Variants in WDFY3 observed in about 807,000 individuals in gnomAD.
WDFY3 encodes the protein WD repeat and FYVE domain containing 3.
A neutral mutation model predicts 409.6 loss-of-function variants in WDFY3; 66 were observed. That is an observed-to-expected ratio of 0.16 (90% CI 0.13 to 0.20). WDFY3 has a LOEUF of 0.20. WDFY3 is among the 10% of genes least tolerant of loss of function. WDFY3 has a pLI of 1.00. For synonymous variants in WDFY3, 1,521 were observed against 1,537.1 expected (o/e 0.99, Z 0.25); for missense variants, 3,031 against 4,298.1 (o/e 0.71, Z 8.24).
chr4:84,698,619 A>G (rs1424903898), intron 56 of WDFY3, among the ~76,000 whole-genome samples: 1 of 152,162 alleles, frequency 6.6e-6, no homozygotes, highest in African/African-American at 2.4e-5. Flanking sequence ...CCAAGGATGC[A>G]TGGACAAGAA....
In WDFY3 at chr4:84,792,638, G is replaced by A. The variant is rs574897409; in HGVS notation, c.3487+1881C>T. Among the ~76,000 whole-genome samples, 96 of 152,148 alleles carry A rather than the reference G, an allele frequency of 6.3e-4. 1 individual carries two copies. Among genetic ancestry groups the A allele is most frequent in the African/African-American group, 1.8e-3 (73 of 41,524 alleles). ...TGGCAATACTAATGCATATGTTACC[G>A]TCATTTCTAATCATATATGGACTAT... On this transcript the variant is annotated intron_variant, in intron 21 of 67. Coordinates refer to ENST00000295888, the MANE Select transcript of WDFY3 (RefSeq NM_014991.6).
chr4:84,878,166 A>G lies in WDFY3; in HGVS notation c.-31-17544T>C, dbSNP rs529303686. Among the ~76,000 whole-genome samples the G allele has an allele frequency of 7.9e-4, 121 of 152,222 alleles. 3 individuals are homozygous for G. Among genetic ancestry groups the G allele is most frequent in the Non-Finnish European group, 3.1e-4 (21 of 68,038 alleles). On this transcript the variant is annotated intron_variant, in intron 3 of 67. Coordinates refer to ENST00000295888, the MANE Select transcript of WDFY3 (RefSeq NM_014991.6). ...AGAAGGCAGGGGCAGAAGGAAAAAA[A>G]TTACTAACAGAGAGTTAGGTTTGGG...
intron 10 of WDFY3, among the ~76,000 whole-genome samples, chr4:84,826,512 C>T (rs1309883625): frequency 1.3e-5 from 2 of 152,010 alleles, no homozygotes; most frequent in South Asian, 2.1e-4. Context: ...TAGAAATGCA[C>T]GAAGTGCCAA....
intron 55 of WDFY3, among the ~76,000 whole-genome samples, chr4:84,702,790 C>A (rs1332546121): frequency 6.6e-6 from 1 of 152,162 alleles, no homozygotes; most frequent in African/African-American, 2.4e-5. Context: ...AAAGAGAGGA[C>A]AAGGCTGTAA....
intron 6 of WDFY3, among the ~76,000 whole-genome samples, chr4:84,839,762 G>A (rs936219270): frequency 6.6e-6 from 1 of 151,978 alleles, no homozygotes; most frequent in Non-Finnish European, 1.5e-5. Flanking sequence ...GGAGGCTGAG[G>A]CAAGAGAATC....
chr4:84,696,617 G>C, intron 57 of WDFY3, 115 bp downstream of exon 57: 2 of 1,000,250 alleles, frequency 2.0e-6, no homozygotes, highest in Non-Finnish European at 3.0e-6. Context: ...GTAGATAAGG[G>C]GACCTGGCTG....
At chr4:84,946,883 T>C (rs1421420831) in intron 1 of WDFY3, among the ~76,000 whole-genome samples, 1 of 151,784 alleles carries the variant, frequency 6.6e-6, no homozygotes, top group African/African-American at 2.4e-5. Flanking sequence ...CTCCGCTCAC[T>C]GCAAGCTCTG....
Position 84,862,240 on chromosome 4 carries a change from T to A in WDFY3, c.-31-1618A>T, listed in dbSNP as rs150397582. On this transcript the variant is annotated intron_variant, in intron 3 of 67. Transcript: ENST00000295888. ...GTAACTCATCACAGGTGAAGAGGAG[T>A]CAGACAAATTCTGCCTAGAACTCTG... is the stretch of plus-strand genomic sequence containing the variant. Among the ~76,000 whole-genome samples, 9 of 151,944 alleles carry A rather than the reference T, an allele frequency of 5.9e-5. No homozygotes were observed. The South Asian group carries it at 6.2e-4, about 11-fold the overall frequency.
intron 3 of WDFY3, among the ~76,000 whole-genome samples, chr4:84,871,131 C>T (rs939356124): frequency 1.3e-5 from 2 of 151,982 alleles, no homozygotes; most frequent in Admixed American, 1.3e-4. Flanking sequence ...CCAGAGAACG[C>T]CAACATGATA....
Position 84,779,838 on chromosome 4 carries a change from A to T in WDFY3, c.4365+270T>A, listed in dbSNP as rs146762891. 6.9e-3 allele frequency among the ~76,000 whole-genome samples: 1,046 copies of T among 152,334 alleles called. 10 individuals carry two copies. Among genetic ancestry groups the T allele is most frequent in the African/African-American group, 0.024 (986 of 41,572 alleles). ...CCAGCAAACCTTTGTTCTGAAAATA[A>T]ATTCAATGTATTAAAGCTATATTGA... On this transcript the variant is annotated intron_variant, in intron 26 of 67. Coordinates refer to ENST00000295888, the MANE Select transcript of WDFY3 (RefSeq NM_014991.6).
chr4:84,728,354 C>T (rs1043507094), intron 44 of WDFY3, among the ~76,000 whole-genome samples: 1 of 151,688 alleles, frequency 6.6e-6, no homozygotes, highest in Non-Finnish European at 1.5e-5. Context: ...CATAGCAAAC[C>T]CCCCATCTCT....
intron 53 of WDFY3, among the ~76,000 whole-genome samples, chr4:84,708,425 A>C (rs1414875388): frequency 6.6e-6 from 1 of 152,256 alleles, no homozygotes; most frequent in Admixed American, 6.5e-5. Context: ...TCAATTATCC[A>C]AACTTTTTAT....
intron 45 of WDFY3, among the ~76,000 whole-genome samples, chr4:84,726,588 G>A (rs1355807736): frequency 1.3e-5 from 2 of 152,060 alleles, no homozygotes; most frequent in African/African-American, 2.4e-5. Context: ...AGCAAAAGAT[G>A]TTTTTATAGT....
rs1409488203 is a variant in WDFY3, at chr4:84,794,687, A to G, written c.3319T>C (p.Cys1107Arg). The change falls in exon 21 of 68, where the codon TGT becomes CGT. Residue 1107 changes from cysteine to arginine, a missense_variant. Cys to Arg is a radical substitution (Grantham distance 180). Coordinates refer to ENST00000295888, the MANE Select transcript of WDFY3 (RefSeq NM_014991.6). The stretch of plus-strand genomic sequence containing the variant: ...GGAGGAGAACTAAAATGTTCAATAC[A>G]AAACCAGCTAGAGTAACTTAAGCCG... ...PSGLSYSSWFCIEHFSSPPNN... is the reference protein window; with the variant it reads ...PSGLSYSSWFRIEHFSSPPNN... 1 of 1,614,094 alleles carries G rather than the reference A, an allele frequency of 6.2e-7. No individual in the cohort carries two copies. Among genetic ancestry groups the G allele is most frequent in the Admixed American group, 1.7e-5 (1 of 60,020 alleles).
chr4:84,917,528 TAGC>T (rs1210480707), intron 2 of WDFY3, among the ~76,000 whole-genome samples: 1 of 152,290 alleles, frequency 6.6e-6, no homozygotes, highest in African/African-American at 2.4e-5. Context: ...CTATACATAA[TAGC>T]AGATTTTTTT....
intron 40 of WDFY3, 29 bp from the exon 41 acceptor site, chr4:84,737,395 A>AAAC: frequency 6.6e-7 from 1 of 1,522,286 alleles, no homozygotes; most frequent in Non-Finnish European, 8.8e-7. Flanking sequence ...AACAAACAAA[A>AAAC]AAGTAAGCAA....
At chr4:84,908,702 A>G (rs939167468) in intron 2 of WDFY3, among the ~76,000 whole-genome samples, 1 of 152,130 alleles carries the variant, frequency 6.6e-6, no homozygotes, top group Admixed American at 6.6e-5. Context: ...CCCTTTTAGA[A>G]TAAAGGGATC....
At chr4:84,955,118 G>A (rs1774077216) in intron 1 of WDFY3, among the ~76,000 whole-genome samples, 1 of 151,816 alleles carries the variant, frequency 6.6e-6, no homozygotes, top group African/African-American at 2.4e-5. Flanking sequence ...CAGGAAAATC[G>A]CTTGAACCCA....
intron 10 of WDFY3, among the ~76,000 whole-genome samples, chr4:84,824,933 C>A (rs1578692186): frequency 6.6e-6 from 1 of 152,042 alleles, no homozygotes; most frequent in Non-Finnish European, 1.5e-5. Context: ...GAATATTATG[C>A]CAATTTTTCT....
Sources: allele counts gnomAD v4.1 joint callset (sites outside exome capture counted in the v4.1 genomes callset), GRCh38; gene constraint gnomAD v4.1.1; transcripts MANE v1.5; gene names NCBI Gene and HGNC (gene_info 2026-07-23, HGNC 2026-07-21).